Variants in TUSC3 observed in about 807,000 individuals in gnomAD.
The protein encoded by TUSC3 is tumor suppressor candidate 3.
Under a neutral mutation model 44.8 loss-of-function variants are expected in TUSC3, and 45 were observed. The ratio of observed to expected loss-of-function variants is 1.00; its 90% CI spans 0.79 to 1.29. TUSC3 has a LOEUF of 1.29. TUSC3 is among the 50% of genes most tolerant of loss of function. The probability of loss-of-function intolerance (pLI) is 0.00; values close to 1 mark genes in which losing one functional copy is unlikely to be tolerated. For missense variants in TUSC3, 519 were observed against 437.9 expected, an observed-to-expected ratio of 1.19 and a Z score of -1.65; for synonymous variants, 212 against 152.9, an observed-to-expected ratio of 1.39 and a Z score of -2.85.
At chr8:15,710,691 C>T (rs1809805308) in intron 6 of TUSC3, among the ~76,000 whole-genome samples, 1 of 151,492 alleles carries the variant, frequency 6.6e-6, no homozygotes, top group African/African-American at 2.4e-5. Context: ...GCAAGATTCC[C>T]AGGTTATTTG....
chr8:15,691,110 G>C (rs1808881736), intron 6 of TUSC3, among the ~76,000 whole-genome samples: 1 of 151,744 alleles, frequency 6.6e-6, no homozygotes, highest in Admixed American at 6.6e-5. Context: ...GGCCATTTTA[G>C]CTATAGTGAT....
At chr8:15,805,853 C>G in the TUSC3 span, among the ~76,000 whole-genome samples, 1 of 152,032 alleles carries the variant, frequency 6.6e-6, no homozygotes, top group East Asian at 1.9e-4. Context: ...AGTCCCTCCT[C>G]CTAGATTTTT....
chr8:15,594,340 G>T (rs1373093750), intron 1 of TUSC3, among the ~76,000 whole-genome samples: 1 of 152,018 alleles, frequency 6.6e-6, no homozygotes, highest in East Asian at 1.9e-4. Flanking sequence ...TGCTTGTCTG[G>T]TAATTTTAAC....
At chr8:15,661,776 C>T (rs993146285) in intron 4 of TUSC3, among the ~76,000 whole-genome samples, 1 of 146,296 alleles carries the variant, frequency 6.8e-6, no homozygotes, top group African/African-American at 2.5e-5. Context: ...AATAATTTTT[C>T]TATAAGATAC....
At chr8:15,790,135 T>A in the TUSC3 span, among the ~76,000 whole-genome samples, 1 of 151,644 alleles carries the variant, frequency 6.6e-6, no homozygotes, top group African/African-American at 2.4e-5. Context: ...GTCCTGGTTG[T>A]TGCCATGAAT....
the TUSC3 span, among the ~76,000 whole-genome samples, chr8:15,791,315 AAATACGATTATCCATAGTGG>A: frequency 7.9e-5 from 12 of 151,896 alleles, no homozygotes; most frequent in Admixed American, 7.9e-4. Flanking sequence ...AGGCATCTTG[AAATACGATTATCCATAGTGG>A]AATATGATTA....
At chr8:15,846,290 C>T in the TUSC3 span, among the ~76,000 whole-genome samples, 1 of 152,144 alleles carries the variant, frequency 6.6e-6, no homozygotes, top group African/African-American at 2.4e-5. Context: ...TCACATGCCT[C>T]AGTTTTTCAA....
At chr8:15,559,777 T>C (rs1340089536) in intron 1 of TUSC3, among the ~76,000 whole-genome samples, 1 of 106,736 alleles carries the variant, frequency 9.4e-6, no homozygotes, top group African/African-American at 3.5e-5. Context: ...TTGTCTCTTT[T>C]GATCTTTGTT....
the TUSC3 span, among the ~76,000 whole-genome samples, chr8:15,775,984 A>G: frequency 6.6e-6 from 1 of 151,946 alleles, no homozygotes; most frequent in Non-Finnish European, 1.5e-5. Context: ...GAGGTTAATA[A>G]TTTCTCAATT....
chr8:15,549,042 G>C (rs1215810462), intron 1 of TUSC3, among the ~76,000 whole-genome samples: 1 of 151,810 alleles, frequency 6.6e-6, no homozygotes, highest in East Asian at 1.9e-4. Context: ...GTAGGAAAAA[G>C]ATTGGAAATA....
chr8:15,450,195 A>G (rs1244426106), intron 1 of TUSC3, among the ~76,000 whole-genome samples: 1 of 152,224 alleles, frequency 6.6e-6, no homozygotes, highest in East Asian at 1.9e-4. Context: ...ATTTTAAAGT[A>G]TATGTGTGTT....
At chr8:15,658,639 T>TATATAC (rs140837147) in intron 3 of TUSC3, among the ~76,000 whole-genome samples, 1 of 148,600 alleles carries the variant, frequency 6.7e-6, no homozygotes, top group Admixed American at 6.8e-5. Context: ...CACATATATA[T>TATATAC]ACACACACAC....
At chr8:15,519,762 T>G (rs968151013) in intron 2 of TUSC3, among the ~76,000 whole-genome samples, 4 of 152,204 alleles carry the variant, frequency 2.6e-5, no homozygotes, top group African/African-American at 7.2e-5. Flanking sequence ...CTGGATTAAG[T>G]AATTATATAA....
intron 2 of TUSC3, among the ~76,000 whole-genome samples, chr8:15,515,690 C>T (rs558420019): frequency 8.6e-5 from 13 of 151,882 alleles, no homozygotes; most frequent in African/African-American, 2.2e-4. Context: ...TTTTTTGAGA[C>T]GGAGTCTCAC....
At chr8:15,439,326 G>A (rs1799991870) in intron 1 of TUSC3, among the ~76,000 whole-genome samples, 1 of 152,168 alleles carries the variant, frequency 6.6e-6, no homozygotes, top group Admixed American at 6.5e-5. Context: ...AGCACTTTAG[G>A]AAGCTGAGGT....
chr8:15,650,938 C>A (rs1239739945), intron 3 of TUSC3, 124 bp downstream of exon 3: 3 of 900,790 alleles, frequency 3.3e-6, no homozygotes, highest in Middle Eastern at 3.2e-4. Flanking sequence ...TGCAGTGAGC[C>A]GAGATTGTGC....
chr8:15,669,594 C>A (rs967970510), intron 5 of TUSC3, among the ~76,000 whole-genome samples: 12 of 151,642 alleles, frequency 7.9e-5, no homozygotes, highest in Admixed American at 2.6e-4. Context: ...CAGTGTAATT[C>A]TCTGTGCTAA....
At chr8:15,703,235 A>G (rs1354472194) in intron 6 of TUSC3, among the ~76,000 whole-genome samples, 1 of 152,166 alleles carries the variant, frequency 6.6e-6, no homozygotes, top group Non-Finnish European at 1.5e-5. Context: ...TATAAACTTT[A>G]AAGAGATATG....
chr8:15,447,547 C>A (rs889510488), intron 1 of TUSC3, among the ~76,000 whole-genome samples: 24 of 151,944 alleles, frequency 1.6e-4, no homozygotes, highest in Non-Finnish European at 2.9e-5. Context: ...GGCTATGAAG[C>A]AATGAAAAAA....
Sources: allele counts gnomAD v4.1 joint callset (sites outside exome capture counted in the v4.1 genomes callset), GRCh38; gene constraint gnomAD v4.1.1; transcripts MANE v1.5; gene names NCBI Gene and HGNC (gene_info 2026-07-23, HGNC 2026-07-21).